The following POU2F1 variants were observed in gnomAD, a reference collection of about 807,000 sequenced individuals.
POU2F1 encodes POU class 2 homeobox 1, also known as POU domain, class 2, transcription factor 1.
A neutral mutation model predicts 84.9 loss-of-function variants in POU2F1; 16 were observed. The ratio of observed to expected loss-of-function variants is 0.19; its 90% CI spans 0.13 to 0.29. POU2F1 has a LOEUF of 0.29. POU2F1 is among the 10% of genes least tolerant of loss of function. The pLI is 1.00. For missense variants in POU2F1, 738 were observed against 942.6 expected, an observed-to-expected ratio of 0.78 and a Z score of 2.84; for synonymous variants, 368 against 368.3, an observed-to-expected ratio of 1.00 and a Z score of 0.01.
At chr1:167,231,301 CAT>C (rs1002794443) in intron 1 of POU2F1, among the ~76,000 whole-genome samples, 39 of 152,050 alleles carry the variant, frequency 2.6e-4, no homozygotes, top group African/African-American at 9.2e-4. Flanking sequence ...GTAAATATAA[CAT>C]ATATTTTTAT....
At position 167,370,209 on chromosome 1, in the gene POU2F1, G is replaced by A. The variant is rs995253839; in HGVS notation, c.277G>A (p.Val93Ile). ...ACAGGCTGCTGCTCAGTCTTTAAAT[G>A]TACAGGTAAGCTGGGACCTGGGATT... The part of the protein sequence containing the change: ...SLQAAAQSLN[V>I]QSKSNEESGD... The change falls in exon 4 of 16, where the codon GTA (valine) becomes ATA (isoleucine). Residue 93 changes from valine to isoleucine, a missense_variant. By Grantham distance (29) the Val-to-Ile change is conservative. Transcript: ENST00000367866. 1.2e-6 allele frequency: 2 copies of A among 1,601,872 alleles called. No homozygotes were observed. The highest frequency in any genetic ancestry group is 1.7e-6 in the Non-Finnish European group (2 of 1,171,844).
rs1222206690 is a variant in POU2F1, at chr1:167,383,886, C to G, written c.748C>G (p.Gln250Glu). ...GLLQAQNLLT[Q>E]LPQQSQANLL... ...CCTGCAAGCGCAAAATCTTCTAACG[C>G]AACTACCTCAGCAAAGCCAAGCCAA... The change falls in exon 8 of 16, where the codon CAA becomes GAA. Residue 250 changes from glutamine to glutamate, a missense_variant. Coordinates refer to ENST00000367866, the MANE Select transcript of POU2F1 (RefSeq NM_002697.4). 2.5e-6 allele frequency: 4 copies of G among 1,613,812 alleles called. No homozygotes were observed. Among genetic ancestry groups the G allele is most frequent in the Non-Finnish European group, 3.4e-6 (4 of 1,179,896 alleles).
At chr1:167,221,419 G>C (rs1312059850) in intron 1 of POU2F1, among the ~76,000 whole-genome samples, 1 of 149,590 alleles carries the variant, frequency 6.7e-6, no homozygotes, top group Non-Finnish European at 1.5e-5. Context: ...GCGGGCGGCC[G>C]GGGCCGGGCG....
intron 1 of POU2F1, among the ~76,000 whole-genome samples, chr1:167,259,486 T>G (rs543140622): frequency 1.3e-5 from 2 of 152,256 alleles, no homozygotes; most frequent in Non-Finnish European, 2.9e-5. Context: ...ACATTTTGAC[T>G]GTTTCCAGTT....
intron 1 of POU2F1, among the ~76,000 whole-genome samples, chr1:167,249,034 C>T (rs1190019605): frequency 6.6e-6 from 1 of 152,184 alleles, no homozygotes; most frequent in Non-Finnish European, 1.5e-5. Flanking sequence ...CTCTGGATTG[C>T]ACCGGAGATA....
intron 1 of POU2F1, among the ~76,000 whole-genome samples, chr1:167,228,709 T>C (rs1648825724): frequency 6.6e-6 from 1 of 152,222 alleles, no homozygotes; most frequent in Admixed American, 6.5e-5. Flanking sequence ...AGTAGATCAA[T>C]TTTTTGTCCA....
chr1:167,356,262 G>A (rs1658929414), intron 2 of POU2F1, among the ~76,000 whole-genome samples: 1 of 145,244 alleles, frequency 6.9e-6, no homozygotes, highest in Non-Finnish European at 1.5e-5. Flanking sequence ...CCTGGCTCAC[G>A]CCTGCTAGGA....
chr1:167,400,488 TC>T (rs1649133610), intron 12 of POU2F1, among the ~76,000 whole-genome samples: 1 of 152,222 alleles, frequency 6.6e-6, no homozygotes, highest in Non-Finnish European at 1.5e-5. Context: ...AAACTTACAC[TC>T]ACGTGATTAA....
chr1:167,345,279 TC>T (rs1257892135), intron 2 of POU2F1, among the ~76,000 whole-genome samples: 1 of 152,146 alleles, frequency 6.6e-6, no homozygotes, highest in African/African-American at 2.4e-5. Context: ...AGTAGAAGAT[TC>T]CTTTTTTTGT....
chr1:167,299,135 C>T (rs1654480744), intron 1 of POU2F1, among the ~76,000 whole-genome samples: 1 of 143,520 alleles, frequency 7.0e-6, no homozygotes, highest in African/African-American at 2.6e-5. Context: ...TGCACTCCAG[C>T]CTGGACAACA....
At chr1:167,377,267 G>A (rs1660389595) in intron 7 of POU2F1, among the ~76,000 whole-genome samples, 1 of 152,142 alleles carries the variant, frequency 6.6e-6, no homozygotes, top group African/African-American at 2.4e-5. Context: ...CTATAGCTTA[G>A]TGCTTCCTAA....
rs1410359570 is a variant in POU2F1, at chr1:167,419,342, G to T, written c.*3532G>T. The T allele has an allele frequency of 6.6e-6, 1 of 151,908 alleles. No individual in the cohort carries two copies. Among genetic ancestry groups the T allele is most frequent in the African/African-American group, 2.4e-5 (1 of 41,340 alleles). 9.4% of individuals were successfully genotyped at this position (151,908 alleles called of 1,614,324 possible). On this transcript the variant is annotated 3_prime_UTR_variant, in exon 16 of 16. Coordinates refer to ENST00000367866, the MANE Select transcript of POU2F1 (RefSeq NM_002697.4). Reference sequence around the variant, plus strand: ...ATTATTCTTTTTTTTTCCCCTTAATGTTTATGCAAATTTTATTTTATATTT... The same window carrying T: ...ATTATTCTTTTTTTTTCCCCTTAATTTTTATGCAAATTTTATTTTATATTT...
intron 13 of POU2F1, among the ~76,000 whole-genome samples, chr1:167,405,658 A>T (rs1224930541): frequency 6.6e-6 from 1 of 152,204 alleles, no homozygotes; most frequent in African/African-American, 2.4e-5. Context: ...ACTGAACTCC[A>T]GCTTGAGAAC....
At chr1:167,308,833 G>C (rs1397943561) in intron 1 of POU2F1, among the ~76,000 whole-genome samples, 2 of 152,046 alleles carry the variant, frequency 1.3e-5, no homozygotes, top group Non-Finnish European at 2.9e-5. Flanking sequence ...GTTATTTCTT[G>C]ACTGAACTTA....
At position 167,389,615 on chromosome 1, in the gene POU2F1, G is replaced by A. The variant is rs1648245062; in HGVS notation, c.841G>A (p.Ala281Thr). Residue 281 changes from alanine (A) to threonine (T), a missense_variant, in exon 9 of 16, where the codon GCA (alanine) becomes ACA (threonine). By Grantham distance (58) the Ala-to-Thr change is moderately conservative. Coordinates refer to ENST00000367866, the MANE Select transcript of POU2F1 (RefSeq NM_002697.4). Reference protein sequence around the residue: ...QPATPTRTIAATPIQTLPQSQ... With the variant: ...QPATPTRTIATTPIQTLPQSQ... ...AGCAACCCCAACACGCACAATAGCAGCAACCCCAATTCAGACACTTCCACA... is the reference window on the plus strand; with the variant it reads ...AGCAACCCCAACACGCACAATAGCAACAACCCCAATTCAGACACTTCCACA... The A allele has an allele frequency of 6.2e-7, 1 of 1,613,988 alleles. No homozygotes were observed. Among genetic ancestry groups the A allele is most frequent in the Non-Finnish European group, 8.5e-7 (1 of 1,180,032 alleles).
chr1:167,291,520 G>A (rs1209889635), intron 1 of POU2F1, among the ~76,000 whole-genome samples: 1 of 152,096 alleles, frequency 6.6e-6, no homozygotes, highest in African/African-American at 2.4e-5. Flanking sequence ...TTTTCACTTA[G>A]TATTGGGATT....
chr1:167,415,579 C>T lies in POU2F1; in HGVS notation c.2070C>T (p.Ala690=). 2 of 1,614,116 alleles carry T rather than the reference C, an allele frequency of 1.2e-6. No individual in the cohort carries two copies. The highest frequency in any genetic ancestry group is 1.7e-6 in the Non-Finnish European group (2 of 1,180,008). ...TGGTATTTGCCAATGCGGGAGGAGC[C>T]CCCAACATCGTGACTGCCCCTCTGT... ...GNLVFANAGG[A]PNIVTAPLFL... The change falls in exon 16 of 16, where the codon GCC becomes GCT. Residue 690 remains alanine, a synonymous_variant. Coordinates refer to ENST00000367866, the MANE Select transcript of POU2F1 (RefSeq NM_002697.4).
intron 8 of POU2F1, among the ~76,000 whole-genome samples, chr1:167,386,581 T>G (rs544221584): frequency 9.8e-5 from 15 of 152,334 alleles, no homozygotes; most frequent in African/African-American, 3.1e-4. Context: ...GACTTGTATG[T>G]GAATGTTTCT....
At chr1:167,283,385 C>G (rs1236747121) in intron 1 of POU2F1, among the ~76,000 whole-genome samples, 1 of 151,932 alleles carries the variant, frequency 6.6e-6, no homozygotes, top group Admixed American at 6.6e-5. Flanking sequence ...CTATAATTTT[C>G]TTAACAGAAA....
Sources: gnomAD v4.1 joint callset for allele counts (sites outside exome capture counted in the v4.1 genomes callset) on GRCh38, gnomAD v4.1.1 for gene constraint, MANE v1.5 for transcripts, NCBI Gene and HGNC (gene_info 2026-07-23, HGNC 2026-07-21) for gene names.